The following FMNL2 variants were observed in gnomAD, a reference collection of about 807,000 sequenced individuals.
FMNL2 encodes formin-like protein 2.
Under a neutral mutation model 130.2 loss-of-function variants are expected in FMNL2, and 51 were observed. The ratio of observed to expected loss-of-function variants is 0.39; its 90% CI spans 0.31 to 0.49. The LOEUF (loss-of-function observed/expected upper bound fraction) is 0.49, where lower values mean the gene tolerates loss of function less well. Ranked by LOEUF, FMNL2 falls within the 20% of genes least tolerant of loss-of-function variation. The pLI, the probability that FMNL2 is intolerant of heterozygous loss-of-function variation, is 0.85. For synonymous variants in FMNL2, 465 were observed against 467.1 expected (o/e 1.00, Z 0.06); for missense variants, 977 against 1,316.2 (o/e 0.74, Z 3.99).
At position 152,407,618 on chromosome 2, in the gene FMNL2, T is replaced by C. The variant is rs13016534; in HGVS notation, c.117+71898T>C. 8.3e-3 allele frequency among the ~76,000 whole-genome samples: 1,271 copies of C among 152,324 alleles called. 13 individuals are homozygous for C. The highest frequency in any genetic ancestry group is 0.024 in the African/African-American group (990 of 41,566). ...CTCTTTTCAGCATTTTGGCTGAATT[T>C]TGAATTTTTATCTGCCCCATTGAGT... On this transcript the variant is annotated intron_variant, in intron 1 of 25. Coordinates refer to ENST00000288670, the MANE Select transcript of FMNL2 (RefSeq NM_052905.4).
chr2:152,527,430 A>C (rs1386920055), intron 2 of FMNL2, among the ~76,000 whole-genome samples: 1 of 152,164 alleles, frequency 6.6e-6, no homozygotes, highest in Non-Finnish European at 1.5e-5. Context: ...TCTTTTGTTG[A>C]ATCAGTTTCA....
At chr2:152,605,226 G>A (rs1018953292) in intron 9 of FMNL2, among the ~76,000 whole-genome samples, 37 of 152,176 alleles carry the variant, frequency 2.4e-4, no homozygotes, top group Admixed American at 1.1e-3. Flanking sequence ...GTGCATGCCC[G>A]TGTCCCCCCA....
At chr2:152,372,981 G>A (rs530812420) in intron 1 of FMNL2, among the ~76,000 whole-genome samples, 19 of 152,242 alleles carry the variant, frequency 1.2e-4, no homozygotes, top group Non-Finnish European at 2.4e-4. Context: ...GGGCATATAA[G>A]GGAACATGGT....
rs780767451 is a variant in FMNL2 at position 152,607,316 on chromosome 2, C to G, written c.877-23C>G. The G allele has an allele frequency of 5.0e-6, 8 of 1,605,468 alleles. No homozygotes were observed. In the Admixed American group the frequency reaches 1.3e-4, roughly 27 times the overall value. ...ATGTTTATGTTTAGAAAGTCACATG[C>G]ACAATGAAAATGTGTGTTTCAGGTT... On this transcript the variant is annotated intron_variant, in intron 9 of 25. Transcript: ENST00000288670.
chr2:152,562,791 A>G (rs531353984), intron 6 of FMNL2, among the ~76,000 whole-genome samples: 1 of 152,348 alleles, frequency 6.6e-6, no homozygotes, highest in South Asian at 2.1e-4. Context: ...TTGGAAATTC[A>G]GGATGAATTT....
intron 1 of FMNL2, among the ~76,000 whole-genome samples, chr2:152,508,846 C>T (rs185576805): frequency 1.7e-4 from 26 of 152,290 alleles, no homozygotes; most frequent in Non-Finnish European, 2.5e-4. Context: ...TGCCACCCCC[C>T]GCCCATTTTC....
At chr2:152,643,896 T>C (rs1683312843) in intron 25 of FMNL2, 1 of 985,156 alleles carries the variant, frequency 1.0e-6, no homozygotes. Flanking sequence ...AACATATCCA[T>C]TAATAACAAT....
chr2:152,398,150 C>T (rs1239366054), intron 1 of FMNL2, among the ~76,000 whole-genome samples: 1 of 152,082 alleles, frequency 6.6e-6, no homozygotes, highest in East Asian at 1.9e-4. Flanking sequence ...AAATAAAAGC[C>T]TCAGCATGTT....
At chr2:152,607,012 T>G (rs551024216) in intron 9 of FMNL2, among the ~76,000 whole-genome samples, 202 of 132,974 alleles carry the variant, frequency 1.5e-3, no homozygotes, top group African/African-American at 5.1e-3. Flanking sequence ...TTTTGTTTTT[T>G]TTTTTTTTTT....
At chr2:152,608,742 G>T (rs1488820651) in intron 10 of FMNL2, among the ~76,000 whole-genome samples, 1 of 151,910 alleles carries the variant, frequency 6.6e-6, no homozygotes, top group Non-Finnish European at 1.5e-5. Context: ...TTTCTTTCTT[G>T]TGCCTTTTTA....
intron 1 of FMNL2, among the ~76,000 whole-genome samples, chr2:152,378,107 G>C (rs137941122): frequency 0.016 from 1,715 of 110,144 alleles, 43 homozygotes; most frequent in African/African-American, 0.052. Context: ...GTGAGACCCT[G>C]TCTTGAAAAA....
At chr2:152,426,456 G>A (rs995653168) in intron 1 of FMNL2, among the ~76,000 whole-genome samples, 5 of 152,184 alleles carry the variant, frequency 3.3e-5, no homozygotes, top group East Asian at 3.9e-4. Flanking sequence ...CCATGTGGCA[G>A]TGCACTTTCA....
chr2:152,377,566 G>C (rs981991649), intron 1 of FMNL2, among the ~76,000 whole-genome samples: 2 of 152,160 alleles, frequency 1.3e-5, no homozygotes, highest in African/African-American at 4.8e-5. Flanking sequence ...AGGTACACAA[G>C]AGCTACATGT....
chr2:152,386,583 T>C (rs1208728519), intron 1 of FMNL2, among the ~76,000 whole-genome samples: 1 of 152,234 alleles, frequency 6.6e-6, no homozygotes, highest in African/African-American at 2.4e-5. Flanking sequence ...TATTTTACTT[T>C]GATTTTCATG....
chr2:152,574,628 A>G (rs1048814741), intron 6 of FMNL2, among the ~76,000 whole-genome samples: 1 of 152,190 alleles, frequency 6.6e-6, no homozygotes, highest in African/African-American at 2.4e-5. Flanking sequence ...ATACAATTTA[A>G]CAAAAGGCAG....
chr2:152,497,925 G>T (rs1353151776), intron 1 of FMNL2, among the ~76,000 whole-genome samples: 1 of 152,180 alleles, frequency 6.6e-6, no homozygotes, highest in Non-Finnish European at 1.5e-5. Context: ...GCTTGCGGTG[G>T]TTGCACTGAA....
At chr2:152,496,538 A>C (rs1250728111) in intron 1 of FMNL2, among the ~76,000 whole-genome samples, 1 of 152,214 alleles carries the variant, frequency 6.6e-6, no homozygotes, top group Non-Finnish European at 1.5e-5. Context: ...CTTGTTTCAC[A>C]TCCTACATTT....
chr2:152,581,379 G>A (rs2881328), intron 9 of FMNL2, among the ~76,000 whole-genome samples: 121,981 of 152,120 alleles, frequency 0.8, 49,157 homozygotes, highest in East Asian at 0.94. Flanking sequence ...GCACTTGATC[G>A]TCCACCATGC....
rs1681727673 is a variant in FMNL2 at position 152,625,579 on chromosome 2, T to G, written c.1962+17T>G. On this transcript the variant is annotated intron_variant, in intron 16 of 25. Coordinates refer to ENST00000288670, the MANE Select transcript of FMNL2 (RefSeq NM_052905.4). ...ATTCTGGAGGTATTTTTCTCATTGG[T>G]TAGAAACTAGAGGTGCACTCTGTGC... The G allele has an allele frequency of 6.3e-7, 1 of 1,598,798 alleles. No individual in the cohort carries two copies. Among genetic ancestry groups the G allele is most frequent in the Non-Finnish European group, 8.6e-7 (1 of 1,167,664 alleles).
Sources: gnomAD v4.1 joint callset for allele counts (sites outside exome capture counted in the v4.1 genomes callset) on GRCh38, gnomAD v4.1.1 for gene constraint, MANE v1.5 for transcripts, NCBI Gene and HGNC (gene_info 2026-07-23, HGNC 2026-07-21) for gene names.